The following CEMIP2 variants were observed in gnomAD, a reference collection of about 807,000 sequenced individuals.
The protein encoded by CEMIP2 is cell surface hyaluronidase CEMIP2.
Under a neutral mutation model 146.9 loss-of-function variants are expected in CEMIP2, and 79 were observed. That is an observed-to-expected ratio of 0.54 (90% CI 0.45 to 0.65). The LOEUF is 0.65. CEMIP2 is among the 30% of genes least tolerant of loss of function. The pLI is 0.00. For missense variants in CEMIP2, 1,596 were observed against 1,696.2 expected (o/e 0.94, Z 1.04); for synonymous variants, 601 against 606.3 (o/e 0.99, Z 0.13).
intron 18 of CEMIP2, among the ~76,000 whole-genome samples, chr9:71,702,437 T>G: frequency 2.1e-5 from 3 of 145,248 alleles, no homozygotes; most frequent in African/African-American, 7.6e-5. Context: ...GTTCATGGGG[T>G]AAGGGGGGTA....
At chr9:71,700,291 G>T (rs1390179480) in intron 19 of CEMIP2, among the ~76,000 whole-genome samples, 1 of 152,148 alleles carries the variant, frequency 6.6e-6, no homozygotes, top group Non-Finnish European at 1.5e-5. Flanking sequence ...AGAAAAATGA[G>T]CTTTCACTGA....
At position 71,685,122 on chromosome 9, in the gene CEMIP2, T is replaced by C. The variant is rs1822014046; in HGVS notation, c.*75A>G. 7.2e-7 allele frequency: 1 copy of C among 1,391,318 alleles called. No individual in the cohort carries two copies. Among genetic ancestry groups the C allele is most frequent in the African/African-American group, 1.4e-5 (1 of 69,344 alleles). The allele number at this position is 1,391,318 out of a possible 1,614,324, so 86.2% of individuals were successfully genotyped here. ...AAATGGTTCCGTTGGGTTAACAGTG[T>C]CATTTTAAAATGCCATAAATTAAAT... On this transcript the variant is annotated 3_prime_UTR_variant, in exon 24 of 24. Transcript: ENST00000377044.
chr9:71,723,364 A>T (rs1823297420), intron 11 of CEMIP2, among the ~76,000 whole-genome samples: 1 of 152,110 alleles, frequency 6.6e-6, no homozygotes, highest in South Asian at 2.1e-4. Flanking sequence ...TTAAAAAAAA[A>T]AAAAGGAGGC....
chr9:71,737,339 C>A (rs1823791694), intron 5 of CEMIP2, among the ~76,000 whole-genome samples: 1 of 150,660 alleles, frequency 6.6e-6, no homozygotes, highest in Non-Finnish European at 1.5e-5. Context: ...GTAGTTCCAG[C>A]TACTCAGGAG....
intron 22 of CEMIP2, chr9:71,686,574 C>T (rs534408312): frequency 1.3e-5 from 2 of 152,276 alleles, no homozygotes; most frequent in African/African-American, 4.8e-5. Flanking sequence ...GAAACCAGTC[C>T]CTGATGTCAA....
upstream of CEMIP2, chr9:71,768,530 G>T: frequency 6.6e-6 from 1 of 152,526 alleles, no homozygotes; most frequent in Non-Finnish European, 1.5e-5. Context: ...CGCAGCCTCT[G>T]CCTGGAGGTG....
intron 5 of CEMIP2, among the ~76,000 whole-genome samples, chr9:71,739,710 G>A (rs961350777): frequency 1.3e-5 from 2 of 152,158 alleles, no homozygotes; most frequent in African/African-American, 4.8e-5. Flanking sequence ...TGTGGCCCAG[G>A]ACAGCTTTGA....
In CEMIP2 at chr9:71,725,582, T is replaced by C; in HGVS notation, c.2177A>G (p.Lys726Arg). Reference sequence around the variant, plus strand: ...AATTGTTAAAACTTAGAAACCTACCTTAAAATTTGAATGGACCCTGTTGTT... The same window carrying C: ...AATTGTTAAAACTTAGAAACCTACCCTAAAATTTGAATGGACCCTGTTGTT... ...FYNNRVHSNF[K>R]AGLFIDKGVK... is the part of the protein sequence containing the mutation. The change falls in exon 11 of 24, where the codon AAG (lysine) becomes AGG (arginine). Residue 726 changes from lysine to arginine, a missense_variant and splice_region_variant. Physicochemically the swap from Lys to Arg is conservative, Grantham distance 26. Coordinates refer to ENST00000377044, the MANE Select transcript of CEMIP2 (RefSeq NM_013390.3). The C allele has an allele frequency of 6.2e-7, 1 of 1,613,548 alleles. No individual in the cohort carries two copies. The highest frequency in any genetic ancestry group is 1.1e-5 in the South Asian group (1 of 91,006).
intron 16 of CEMIP2, among the ~76,000 whole-genome samples, chr9:71,711,443 G>C (rs1822902474): frequency 6.6e-6 from 1 of 151,456 alleles, no homozygotes; most frequent in South Asian, 2.1e-4. Context: ...GGTGGCATAT[G>C]CTTGTATACC....
chr9:71,715,648 A>ATATATATATATATATAT (rs967444649), intron 14 of CEMIP2, among the ~76,000 whole-genome samples: 7 of 134,206 alleles, frequency 5.2e-5, no homozygotes, highest in South Asian at 2.3e-4. Flanking sequence ...ATATATATAT[A>ATATATATATATATATAT]CTTTTTTTTT....
At chr9:71,725,501 G>T in intron 11 of CEMIP2, 80 bp downstream of exon 11, 1 of 1,442,450 alleles carries the variant, frequency 6.9e-7, no homozygotes, top group Non-Finnish European at 9.4e-7. Flanking sequence ...GCAGCACAAA[G>T]TGGACTAAAA....
chr9:71,749,428 G>A (rs573400113), intron 2 of CEMIP2, among the ~76,000 whole-genome samples: 3 of 151,526 alleles, frequency 2.0e-5, no homozygotes, highest in East Asian at 1.9e-4. Context: ...ACTTGCGGCC[G>A]GGCATGGTGG....
intron 1 of CEMIP2, among the ~76,000 whole-genome samples, chr9:71,756,801 T>G (rs1824474501): frequency 6.6e-6 from 1 of 152,180 alleles, no homozygotes; most frequent in Non-Finnish European, 1.5e-5. Flanking sequence ...AGCAGCAAAC[T>G]ACCTAGATAA....
chr9:71,717,581 A>T (rs146673586), intron 13 of CEMIP2, among the ~76,000 whole-genome samples: 314 of 152,374 alleles, frequency 2.1e-3, no homozygotes, highest in African/African-American at 6.6e-3. Context: ...TTTGAATGGC[A>T]ATAGAAGAGC....
At chr9:71,728,733 T>C (rs1450906801) in intron 10 of CEMIP2, among the ~76,000 whole-genome samples, 1 of 152,022 alleles carries the variant, frequency 6.6e-6, no homozygotes, top group African/African-American at 2.4e-5. Context: ...GTGTGCCCCC[T>C]GACCAGAGTG....
intron 21 of CEMIP2, among the ~76,000 whole-genome samples, chr9:71,692,692 T>C (rs914979896): frequency 6.6e-6 from 1 of 152,138 alleles, no homozygotes; most frequent in Non-Finnish European, 1.5e-5. Context: ...GAAGATCACT[T>C]GAGCCCAGGA....
chr9:71,706,858 C>T (rs1322418715), intron 17 of CEMIP2, among the ~76,000 whole-genome samples: 2 of 151,968 alleles, frequency 1.3e-5, no homozygotes, highest in African/African-American at 2.4e-5. Context: ...GACAGAGTTT[C>T]GCTCTTGTTG....
chr9:71,689,332 T>C (rs2131850170), intron 22 of CEMIP2, among the ~76,000 whole-genome samples: 1 of 152,324 alleles, frequency 6.6e-6, no homozygotes, highest in Admixed American at 6.5e-5. Flanking sequence ...AAAGCTTAAG[T>C]TCCTTCCTTA....
chr9:71,694,431 T>C (rs1822332890), intron 21 of CEMIP2, 78 bp downstream of exon 21: 4 of 1,201,846 alleles, frequency 3.3e-6, no homozygotes, highest in East Asian at 2.4e-5. Context: ...CCAATTTCTG[T>C]TGTTTATAAG....
Sources: allele counts gnomAD v4.1 joint callset (sites outside exome capture counted in the v4.1 genomes callset), GRCh38; gene constraint gnomAD v4.1.1; transcripts MANE v1.5; gene names NCBI Gene and HGNC (gene_info 2026-07-23, HGNC 2026-07-21).